RRN3: variants seen among roughly 807,000 people sequenced by gnomAD.
The protein encoded by RRN3 is RNA polymerase I transcription factor RRN3.
RRN3 carries 38 observed loss-of-function variants against 82.3 expected under a neutral mutation model. The observed-to-expected ratio is 0.46, with a 90% CI of 0.36 to 0.61. The LOEUF is 0.61. RRN3 is among the 20% of genes least tolerant of loss of function. The pLI, the probability that RRN3 is intolerant of heterozygous loss-of-function variation, is 0.00. For missense variants in RRN3, 726 were observed against 793.1 expected, an observed-to-expected ratio of 0.92 and a Z score of 1.02; for synonymous variants, 284 against 284.3, an observed-to-expected ratio of 1.00 and a Z score of 0.01.
Position 15,074,916 on chromosome 16 carries a change from T to G in RRN3, c.859-55A>C. 3.3e-6 allele frequency: 5 copies of G among 1,522,160 alleles called. No individual in the cohort carries two copies. The South Asian group carries it at 6.0e-5, about 18-fold the overall frequency. 94.3% of individuals were successfully genotyped at this position (1,522,160 alleles called of 1,614,324 possible). On this transcript the variant is annotated intron_variant, in intron 10 of 17. Transcript: ENST00000198767. ...TAAAAAATTCAATGTCAAAGTGGTT[T>G]AGTAGGAAAACTGTCATAAGTGATT...
Position 15,060,626 on chromosome 16 carries a change from T to C in RRN3, c.*1118A>G, listed in dbSNP as rs1228695230. On this transcript the variant is annotated 3_prime_UTR_variant, in exon 18 of 18. Transcript: ENST00000198767. ...TTGAGCTTCAAAATGACTCTAGCAG[T>C]GTTTGCACAAATTTGTTTTAAAGCG... The C allele has an allele frequency of 6.6e-6, 1 of 152,538 alleles. No homozygotes were observed. Among genetic ancestry groups the C allele is most frequent in the Non-Finnish European group, 1.5e-5 (1 of 68,286 alleles). The allele number at this position is 152,538 out of a possible 1,614,324, so 9.4% of individuals were successfully genotyped here.
chr16:15,071,028 CA>C (rs890065328), intron 13 of RRN3, 92 bp downstream of exon 13: 288 of 1,128,990 alleles, frequency 2.6e-4, no homozygotes, highest in Non-Finnish European at 2.8e-4. Flanking sequence ...AAAAACATGC[CA>C]AAAAAAATGG....
Position 15,068,813 on chromosome 16 carries a change from T to C in RRN3, c.1445-536A>G, listed in dbSNP as rs1204400616. On this transcript the variant is annotated intron_variant, in intron 14 of 17. Transcript: ENST00000198767. ...ACAGAAACCACTTTCTTAGACTTAA[T>C]GAATATAATTCTTTTCTACATGAGT... Among the ~76,000 whole-genome samples, 21 of 152,246 alleles carry C rather than the reference T, an allele frequency of 1.4e-4. 1 individual carries two copies. The highest frequency in any genetic ancestry group is 2.9e-5 in the Non-Finnish European group (2 of 68,054).
chr16:15,075,860 C>A (rs1366182107), intron 10 of RRN3, among the ~76,000 whole-genome samples: 1 of 152,166 alleles, frequency 6.6e-6, no homozygotes, highest in South Asian at 2.1e-4. Context: ...GTACTGGCGG[C>A]CAATAGCTCA....
intron 7 of RRN3, 79 bp downstream of exon 7, chr16:15,084,563 T>C (rs1172067822): frequency 9.6e-7 from 1 of 1,045,020 alleles, no homozygotes. Flanking sequence ...TTTAATACTA[T>C]TAACATTTTA....
At chr16:15,073,813 C>A (rs971040151) in intron 11 of RRN3, among the ~76,000 whole-genome samples, 1 of 151,946 alleles carries the variant, frequency 6.6e-6, no homozygotes, top group Non-Finnish European at 1.5e-5. Context: ...GAGATGGGGT[C>A]TTGTTATGTT....
At position 15,068,278 on chromosome 16, in the gene RRN3, C is replaced by T; in HGVS notation, c.1445-1G>A. The T allele has an allele frequency of 1.9e-6, 3 of 1,562,372 alleles. No individual in the cohort carries two copies. Among genetic ancestry groups the T allele is most frequent in the African/African-American group, 1.4e-5 (1 of 70,964 alleles). On this transcript the variant is annotated splice_acceptor_variant, in intron 14 of 17. Coordinates refer to ENST00000198767, the MANE Select transcript of RRN3 (RefSeq NM_018427.5). LOFTEE classifies it high-confidence loss of function. ...TTCAGACTCTGAAGATACTGCAAAC[C>T]TTTGGTTTAAAAAAAAAAAAGATTT...
chr16:15,068,139 A>C lies in RRN3; in HGVS notation c.1553+30T>G, dbSNP rs2045058019. On this transcript the variant is annotated intron_variant, in intron 15 of 17. Transcript: ENST00000198767. ...AACATAAATAAAAATATTTTAAATA[A>C]CTCCCATCAAGAAAGCGTAAATAAC... is the stretch of plus-strand genomic sequence containing the variant. The C allele has an allele frequency of 2.0e-6, 3 of 1,481,068 alleles. No homozygotes were observed. The East Asian group carries it at 7.3e-5, about 36-fold the overall frequency. The allele number at this position is 1,481,068 out of a possible 1,614,324, so 91.7% of individuals were successfully genotyped here. A position where few individuals can be genotyped will look rare whatever the true frequency, so the allele number is the denominator to read the frequency against.
rs9926041 is a variant in RRN3 at position 15,063,084 on chromosome 16, C to T, written c.1794+112G>A. On this transcript the variant is annotated intron_variant, in intron 17 of 17. Coordinates refer to ENST00000198767, the MANE Select transcript of RRN3 (RefSeq NM_018427.5). ...GTCTCCAGCAATCCTCTGGCCTTGA[C>T]CCCCTAAAGTGCGGGGATTACACGC... 2,152 of 819,448 alleles carry T rather than the reference C, an allele frequency of 2.6e-3. 39 individuals are homozygous for T. The African/African-American group carries it at 0.032, about 12-fold the overall frequency. The allele number at this position is 819,448 out of a possible 1,614,324, so 50.8% of individuals were successfully genotyped here.
At chr16:15,064,514 A>C (rs144680435) in intron 16 of RRN3, among the ~76,000 whole-genome samples, 290 of 152,294 alleles carry the variant, frequency 1.9e-3, no homozygotes, top group African/African-American at 5.0e-3. Context: ...ACAGAATGGT[A>C]TGTGGTCTCT....
At chr16:15,074,344 C>T (rs2045362031) in intron 11 of RRN3, among the ~76,000 whole-genome samples, 1 of 152,200 alleles carries the variant, frequency 6.6e-6, no homozygotes, top group Non-Finnish European at 1.5e-5. Context: ...AACACTGGCA[C>T]AACAATGGTG....
chr16:15,092,528 A>G lies in RRN3; in HGVS notation c.176T>C (p.Val59Ala), dbSNP rs1376896157. 17 of 1,612,350 alleles carry G rather than the reference A, an allele frequency of 1.1e-5. No individual in the cohort carries two copies. The highest frequency in any genetic ancestry group is 1.4e-5 in the Non-Finnish European group (16 of 1,178,564). The change falls in exon 2 of 18, where the codon GTC (valine) becomes GCC (alanine). Residue 59 changes from valine to alanine, a missense_variant. Coordinates refer to ENST00000198767, the MANE Select transcript of RRN3 (RefSeq NM_018427.5). Reference sequence around the variant, plus strand: ...CCTTACCTTTTTGTACTTCAGCAAGACTTCTGTCACAGTTCCACCAAACCG... The same window carrying G: ...CCTTACCTTTTTGTACTTCAGCAAGGCTTCTGTCACAGTTCCACCAAACCG... ...TVRFGGTVTE[V>A]LLKYKKGETN...
At chr16:15,080,682 G>T (rs1291757840) in intron 8 of RRN3, among the ~76,000 whole-genome samples, 3 of 152,184 alleles carry the variant, frequency 2.0e-5, no homozygotes, top group South Asian at 2.1e-4. Context: ...TCAGCCTCCT[G>T]AAGTGCTGTG....
intron 10 of RRN3, among the ~76,000 whole-genome samples, chr16:15,075,858 G>A (rs1322859113): frequency 2.0e-5 from 3 of 152,090 alleles, no homozygotes; most frequent in Non-Finnish European, 2.9e-5. Flanking sequence ...GAGTACTGGC[G>A]GCCAATAGCT....
chr16:15,079,656 G>C (rs1425807242), intron 9 of RRN3, among the ~76,000 whole-genome samples: 1 of 151,230 alleles, frequency 6.6e-6, no homozygotes, highest in South Asian at 2.1e-4. Flanking sequence ...GCAGTGGCAC[G>C]ATCTCAGCTC....
chr16:15,088,954 C>A (rs1171069569), intron 3 of RRN3, among the ~76,000 whole-genome samples: 1 of 151,904 alleles, frequency 6.6e-6, no homozygotes, highest in Non-Finnish European at 1.5e-5. Flanking sequence ...AGTGGACATG[C>A]TAAGTTTGGA....
intron 10 of RRN3, chr16:15,076,314 T>A (rs2045452865): frequency 1.0e-5 from 6 of 596,564 alleles, no homozygotes; most frequent in Non-Finnish European, 1.8e-5. Context: ...AAACAAACAC[T>A]GAAAGTTACA....
intron 3 of RRN3, 113 bp downstream of exon 3, chr16:15,091,202 G>C (rs2151826579): frequency 7.7e-7 from 1 of 1,295,154 alleles, no homozygotes; most frequent in Admixed American, 2.5e-5. Context: ...ATTAAAATAA[G>C]GGAGGACCAT....
chr16:15,084,793 C>A, intron 6 of RRN3, 88 bp from the exon 7 acceptor site: 1 of 911,154 alleles, frequency 1.1e-6, no homozygotes, highest in Non-Finnish European at 1.8e-6. Flanking sequence ...TGGCTGGGCA[C>A]AGTGGCTCAC....
Sources: gnomAD v4.1 joint callset for allele counts (sites outside exome capture counted in the v4.1 genomes callset) on GRCh38, gnomAD v4.1.1 for gene constraint, MANE v1.5 for transcripts, NCBI Gene and HGNC (gene_info 2026-07-23, HGNC 2026-07-21) for gene names.